Variants in ZNF546 observed in about 807,000 individuals in gnomAD.
ZNF546 encodes the protein CTC-471F3.6.
In ZNF546, 60 loss-of-function variants were observed where a neutral mutation model predicts 76.2. The ratio of observed to expected loss-of-function variants is 0.79; its 90% CI spans 0.64 to 0.98. The LOEUF (loss-of-function observed/expected upper bound fraction) is 0.98. Among genes scored for constraint, ZNF546 ranks in the 50% least tolerant of loss-of-function variants. The pLI is 0.00. For synonymous variants in ZNF546, 277 were observed against 328.1 expected (o/e 0.84, Z 1.68); for missense variants, 936 against 1,035.6 (o/e 0.90, Z 1.32).
intron 6 of ZNF546, among the ~76,000 whole-genome samples, chr19:40,010,855 G>A (rs1033353175): frequency 6.6e-6 from 1 of 152,022 alleles, no homozygotes. Flanking sequence ...GCTAATTTTT[G>A]TATTTTTAGT....
chr19:40,006,025 C>T (rs972264807), intron 3 of ZNF546, 71 bp from the exon 4 acceptor site: 31 of 1,283,572 alleles, frequency 2.4e-5, no homozygotes, highest in Non-Finnish European at 3.2e-5. Flanking sequence ...ATAACAGGAT[C>T]TTATTAACTT....
chr19:40,008,193 C>T (rs541934649), intron 5 of ZNF546, among the ~76,000 whole-genome samples: 3 of 152,312 alleles, frequency 2.0e-5, no homozygotes, highest in South Asian at 4.1e-4. Context: ...CATAGGGCTC[C>T]AGAGGGTGTG....
chr19:40,009,380 T>A (rs1193711966), intron 6 of ZNF546, among the ~76,000 whole-genome samples: 1 of 152,264 alleles, frequency 6.6e-6, no homozygotes, highest in Non-Finnish European at 1.5e-5. Flanking sequence ...TGGGAATATA[T>A]GGAAGTGGAA....
At chr19:40,006,212 C>G in intron 4 of ZNF546, 30 bp downstream of exon 4, 5 of 1,581,004 alleles carry the variant, frequency 3.2e-6, no homozygotes, top group Non-Finnish European at 4.3e-6. Context: ...CCTTGAAATA[C>G]TGTGTTTTTA....
rs1481644704 is a variant in ZNF546 at position 40,006,093 on chromosome 19, C to T, written c.85-3C>T. 1 of 1,613,676 alleles carries T rather than the reference C, an allele frequency of 6.2e-7. No homozygotes were observed. Among genetic ancestry groups the T allele is most frequent in the African/African-American group, 1.3e-5 (1 of 74,904 alleles). ...TCTCAGAGTCACTTGTTCTTCCCCC[C>T]AGCCCCGGTTTCTCTGGATTCTGTG... On this transcript the variant is annotated splice_polypyrimidine_tract_variant and splice_region_variant and intron_variant, in intron 3 of 6. Transcript: ENST00000347077.
intron 6 of ZNF546, among the ~76,000 whole-genome samples, chr19:40,012,441 G>A (rs1275862241): frequency 6.6e-6 from 1 of 152,076 alleles, no homozygotes; most frequent in Non-Finnish European, 1.5e-5. Context: ...GTTGTAATTT[G>A]GGGAAATTAA....
At chr19:40,004,103 ATATAT>A (rs1971570131) in intron 3 of ZNF546, among the ~76,000 whole-genome samples, 1 of 141,252 alleles carries the variant, frequency 7.1e-6, no homozygotes. Flanking sequence ...ATATATAAAT[ATATAT>A]TATATATATA....
Position 40,015,817 on chromosome 19 carries a change from C to G in ZNF546, c.*36C>G. 6.3e-7 allele frequency: 1 copy of G among 1,588,164 alleles called. No individual in the cohort carries two copies. The highest frequency in any genetic ancestry group is 8.6e-7 in the Non-Finnish European group (1 of 1,158,262). On this transcript the variant is annotated 3_prime_UTR_variant, in exon 7 of 7. Coordinates refer to ENST00000347077, the MANE Select transcript of ZNF546 (RefSeq NM_178544.5). ...ATGGCCTTTAGAAAATGCCCTTTAG[C>G]AGAGAATTTGTAATTTAAGAAATTT...
At chr19:39,999,599 A>C (rs1011769295) in intron 3 of ZNF546, 1 of 149,400 alleles carries the variant, frequency 6.7e-6, no homozygotes, top group South Asian at 2.1e-4. Context: ...TTTTTTTGAC[A>C]GAGTCTCGTT....
intron 4 of ZNF546, among the ~76,000 whole-genome samples, 161 bp from the exon 5 acceptor site, chr19:40,007,112 GA>G (rs1309314517): frequency 6.6e-6 from 1 of 152,166 alleles, no homozygotes; most frequent in Non-Finnish European, 1.5e-5. Flanking sequence ...AAAAGCGTAT[GA>G]ACACTTTATT....
intron 6 of ZNF546, among the ~76,000 whole-genome samples, chr19:40,012,204 C>G (rs887954397): frequency 6.6e-6 from 1 of 152,174 alleles, no homozygotes; most frequent in Non-Finnish European, 1.5e-5. Context: ...ACAGTAGCCA[C>G]ACACACAGGG....
intron 6 of ZNF546, among the ~76,000 whole-genome samples, chr19:40,010,196 AGTTC>A (rs1971654447): frequency 6.6e-6 from 1 of 152,156 alleles, no homozygotes; most frequent in Non-Finnish European, 1.5e-5. Flanking sequence ...GGAGGTCAGG[AGTTC>A]AAGACCAGCC....
Position 40,013,719 on chromosome 19 carries a change from A to G in ZNF546, c.449A>G (p.Lys150Arg), listed in dbSNP as rs754567013. The change falls in exon 7 of 7, where the codon AAA becomes AGA. Residue 150 changes from lysine (K) to arginine (R), a missense_variant. Transcript: ENST00000347077. ...TTGCTTTCAGAAAAGAATGTTTGCA[A>G]AATCTATTTATCTCAATTGCAGACA... ...KNLLSEKNVC[K>R]IYLSQLQTGE... 2 of 1,600,622 alleles carry G rather than the reference A, an allele frequency of 1.2e-6. No homozygotes were observed. The highest frequency in any genetic ancestry group is 2.7e-5 in the African/African-American group (2 of 74,114).
chr19:40,001,147 T>C (rs1481113712), intron 3 of ZNF546, among the ~76,000 whole-genome samples: 2 of 152,174 alleles, frequency 1.3e-5, no homozygotes, highest in Non-Finnish European at 1.5e-5. Context: ...AAGCGGTTAA[T>C]GCTAGCAATG....
chr19:40,004,077 A>ATATTG (rs1174484626), intron 3 of ZNF546, among the ~76,000 whole-genome samples: 1 of 144,708 alleles, frequency 6.9e-6, no homozygotes, highest in East Asian at 2.0e-4. Context: ...ATATAAATAT[A>ATATTG]TATATAACTA....
intron 5 of ZNF546, 102 bp downstream of exon 5, chr19:40,007,502 C>G: frequency 8.1e-7 from 1 of 1,231,290 alleles, no homozygotes; most frequent in Non-Finnish European, 1.1e-6. Context: ...ACTGACACCC[C>G]TATTTCTAAA....
Position 40,017,940 on chromosome 19 carries a change from C to T in ZNF546, c.*2159C>T, listed in dbSNP as rs1216581894. The T allele has an allele frequency of 6.6e-6, 1 of 151,396 alleles. No individual in the cohort carries two copies. Among genetic ancestry groups the T allele is most frequent in the Non-Finnish European group, 1.5e-5 (1 of 68,074 alleles). The allele number at this position is 151,396 out of a possible 1,614,324, so 9.4% of individuals were successfully genotyped here. A position where few individuals can be genotyped will look rare whatever the true frequency, so the allele number is the denominator to read the frequency against. On this transcript the variant is annotated 3_prime_UTR_variant, in exon 7 of 7. Transcript: ENST00000347077. ...TCTTTTAAAGTAAGAATGGCCCTTC[C>T]CCCCACAACTTTATTGCAACATTGA...
intron 5 of ZNF546, among the ~76,000 whole-genome samples, chr19:40,007,853 T>G (rs910128900): frequency 6.6e-6 from 1 of 152,194 alleles, no homozygotes; most frequent in Non-Finnish European, 1.5e-5. Context: ...CACCCCATCC[T>G]AAAGGAGACA....
In ZNF546 at chr19:40,013,847, G is replaced by C; in HGVS notation, c.577G>C (p.Val193Leu). 6.2e-7 allele frequency: 1 copy of C among 1,609,902 alleles called. No homozygotes were observed. The highest frequency in any genetic ancestry group is 8.5e-7 in the Non-Finnish European group (1 of 1,178,568). The change falls in exon 7 of 7, where the codon GTT becomes CTT. Residue 193 changes from valine to leucine, a missense_variant. Transcript: ENST00000347077. ...ACAAGAGAGACATCAGATGGGATGC[G>C]TTAGTCAAATGCTAATCCAAAAACA... ...ERQERHQMGC[V>L]SQMLIQKQIS...
Sources: gnomAD v4.1 joint callset for allele counts (sites outside exome capture counted in the v4.1 genomes callset) on GRCh38, gnomAD v4.1.1 for gene constraint, MANE v1.5 for transcripts, NCBI Gene and HGNC (gene_info 2026-07-23, HGNC 2026-07-21) for gene names.